Variants in EXOC4 observed in about 807,000 individuals in gnomAD.
EXOC4 encodes SEC8-like 1.
Under a neutral mutation model 107.2 loss-of-function variants are expected in EXOC4, and 71 were observed. The ratio of observed to expected loss-of-function variants is 0.66; its 90% confidence interval spans 0.55 to 0.81. The LOEUF is 0.81. EXOC4 is among the 30% of genes least tolerant of loss of function. EXOC4 has a pLI of 0.00. For synonymous variants in EXOC4, 456 were observed against 441.2 expected (o/e 1.03, Z -0.42); for missense variants, 1,108 against 1,189.6 (o/e 0.93, Z 1.01).
At chr7:133,522,530 T>C (rs927033214) in intron 9 of EXOC4, among the ~76,000 whole-genome samples, 7 of 152,036 alleles carry the variant, frequency 4.6e-5, no homozygotes, top group African/African-American at 1.7e-4. Flanking sequence ...TATAGCGCAT[T>C]GGGGGAGGGA....
In EXOC4 at chr7:133,529,715, C is replaced by T. The variant is rs185083996; in HGVS notation, c.1417+49577C>T. Among the ~76,000 whole-genome samples, 20 of 152,096 alleles carry T rather than the reference C, an allele frequency of 1.3e-4. No individual in the cohort carries two copies. The East Asian group carries it at 3.7e-3, about 28-fold the overall frequency. On this transcript the variant is annotated intron_variant, in intron 9 of 17. Transcript: ENST00000253861. ...TCTGTATTCATTTTTTATGTGGCAT[C>T]GTTGTCTGCTTATGTGGCATGATTA...
chr7:133,800,473 T>G (rs188412305), intron 10 of EXOC4, among the ~76,000 whole-genome samples: 2 of 152,158 alleles, frequency 1.3e-5, no homozygotes, highest in East Asian at 3.9e-4. Flanking sequence ...GAATGAAAAA[T>G]TCACAACTTT....
chr7:133,341,222 A>G (rs1795653452), intron 5 of EXOC4, among the ~76,000 whole-genome samples: 1 of 152,126 alleles, frequency 6.6e-6, no homozygotes, highest in Non-Finnish European at 1.5e-5. Flanking sequence ...AAGTTTTGAT[A>G]GGTTGTATCA....
intron 10 of EXOC4, among the ~76,000 whole-genome samples, chr7:133,700,454 C>T (rs561664452): frequency 2.0e-5 from 3 of 152,196 alleles, no homozygotes; most frequent in African/African-American, 7.2e-5. Flanking sequence ...GGGCTCTTTT[C>T]CTATATTCGA....
At chr7:133,881,238 C>G (rs1383849000) in intron 11 of EXOC4, among the ~76,000 whole-genome samples, 1 of 151,832 alleles carries the variant, frequency 6.6e-6, no homozygotes, top group African/African-American at 2.4e-5. Flanking sequence ...CTCACTGAGC[C>G]CTCCCACCTG....
intron 7 of EXOC4, among the ~76,000 whole-genome samples, chr7:133,380,239 A>AAAAATAAAATAAAATAAAATAAAAT (rs10688501): frequency 2.2e-5 from 3 of 137,748 alleles, no homozygotes; most frequent in South Asian, 2.4e-4. Flanking sequence ...AAAGTATAAT[A>AAAAATAAAATAAAATAAAATAAAAT]AAAATAAAAT....
chr7:133,497,468 C>G (rs1468433131), intron 9 of EXOC4, among the ~76,000 whole-genome samples: 1 of 150,872 alleles, frequency 6.6e-6, no homozygotes, highest in Non-Finnish European at 1.5e-5. Flanking sequence ...GCTGTGTTGC[C>G]CAGGCTGGAG....
chr7:133,450,215 C>T (rs1798310860), intron 7 of EXOC4, among the ~76,000 whole-genome samples: 1 of 152,020 alleles, frequency 6.6e-6, no homozygotes, highest in Admixed American at 6.6e-5. Flanking sequence ...CCCTGTTGCC[C>T]AGGCTGGAGC....
chr7:134,055,478 C>T (rs1260401527), intron 17 of EXOC4, among the ~76,000 whole-genome samples: 1 of 152,214 alleles, frequency 6.6e-6, no homozygotes. Context: ...GCATCATGCT[C>T]ATCACGCTTT....
chr7:133,275,675 G>A (rs962457180), intron 2 of EXOC4, among the ~76,000 whole-genome samples: 19 of 152,180 alleles, frequency 1.2e-4, no homozygotes, highest in Non-Finnish European at 2.5e-4. Context: ...AACCACAGAA[G>A]CGAGAATGTC....
At chr7:133,989,547 C>T (rs1794198782) in intron 14 of EXOC4, among the ~76,000 whole-genome samples, 1 of 152,014 alleles carries the variant, frequency 6.6e-6, no homozygotes, top group Non-Finnish European at 1.5e-5. Context: ...GAAAACAACA[C>T]CCAGAAGAGT....
At chr7:133,370,045 G>A (rs1796337838) in intron 6 of EXOC4, among the ~76,000 whole-genome samples, 1 of 151,974 alleles carries the variant, frequency 6.6e-6, no homozygotes, top group Non-Finnish European at 1.5e-5. Flanking sequence ...CGCCACCTCG[G>A]CCTCCCGAAG....
At chr7:133,750,317 A>G (rs1188769722) in intron 10 of EXOC4, among the ~76,000 whole-genome samples, 1 of 152,058 alleles carries the variant, frequency 6.6e-6, no homozygotes, top group African/African-American at 2.4e-5. Context: ...TTTAAGGATC[A>G]TTGACCTGAA....
At chr7:133,772,638 T>A (rs1585134569) in intron 10 of EXOC4, among the ~76,000 whole-genome samples, 1 of 152,228 alleles carries the variant, frequency 6.6e-6, no homozygotes, top group Non-Finnish European at 1.5e-5. Flanking sequence ...AGTATAATAT[T>A]TCTTAAAAAC....
At chr7:133,672,597 G>A (rs1793972755) in intron 10 of EXOC4, among the ~76,000 whole-genome samples, 1 of 152,008 alleles carries the variant, frequency 6.6e-6, no homozygotes, top group Admixed American at 6.5e-5. Context: ...GGGAAGCACA[G>A]GTAATGAAGA....
intron 12 of EXOC4, among the ~76,000 whole-genome samples, chr7:133,898,155 A>G (rs1482259536): frequency 6.6e-6 from 1 of 152,098 alleles, no homozygotes; most frequent in Admixed American, 6.6e-5. Flanking sequence ...TAAAATAGTG[A>G]TTTTTAACAG....
intron 5 of EXOC4, among the ~76,000 whole-genome samples, chr7:133,327,803 CT>C (rs1795283370): frequency 6.6e-6 from 1 of 152,130 alleles, no homozygotes; most frequent in Non-Finnish European, 1.5e-5. Flanking sequence ...GTCTGAGATA[CT>C]GTTTGTTATG....
intron 10 of EXOC4, among the ~76,000 whole-genome samples, chr7:133,724,186 C>A (rs1227460534): frequency 6.6e-6 from 1 of 152,150 alleles, no homozygotes; most frequent in Non-Finnish European, 1.5e-5. Context: ...GTTGCTAGGT[C>A]AGATCTGGTT....
intron 11 of EXOC4, among the ~76,000 whole-genome samples, chr7:133,842,819 A>G (rs140199733): frequency 0.012 from 1,812 of 152,206 alleles, 28 homozygotes; most frequent in African/African-American, 0.041. Flanking sequence ...TGTGTATGGT[A>G]TAAATAACGA....
Sources: gnomAD v4.1 joint callset for allele counts (sites outside exome capture counted in the v4.1 genomes callset) on GRCh38, gnomAD v4.1.1 for gene constraint, MANE v1.5 for transcripts, NCBI Gene and HGNC (gene_info 2026-07-23, HGNC 2026-07-21) for gene names.